UPP2: variants seen among roughly 807,000 people sequenced by gnomAD.
UPP2 encodes the protein uridine phosphorylase 2, also known as UPase 2.
A neutral mutation model predicts 26.7 loss-of-function variants in UPP2; 23 were observed. That is an observed-to-expected ratio of 0.86 (90% CI 0.62 to 1.22). The LOEUF (loss-of-function observed/expected upper bound fraction) is 1.22, where lower values mean the gene tolerates loss of function less well. Among genes scored for constraint, UPP2 ranks in the 50% most tolerant of loss-of-function variants. The pLI is 0.00. For synonymous variants in UPP2, 127 were observed against 141.3 expected (o/e 0.90, Z 0.72); for missense variants, 387 against 396.7 (o/e 0.98, Z 0.21).
chr2:158,043,768 C>T (rs1684113028), intron 3 of UPP2, among the ~76,000 whole-genome samples: 1 of 152,294 alleles, frequency 6.6e-6, no homozygotes, highest in South Asian at 2.1e-4. Context: ...GATCAAGACA[C>T]TTGAAATTGG....
At chr2:158,011,347 G>A (rs1047185996) in intron 2 of UPP2, among the ~76,000 whole-genome samples, 8 of 152,294 alleles carry the variant, frequency 5.3e-5, no homozygotes, top group African/African-American at 1.9e-4. Flanking sequence ...TCCCTCCTGC[G>A]TCTCTGAGTG....
intron 3 of UPP2, among the ~76,000 whole-genome samples, chr2:158,069,761 G>C (rs1367251238): frequency 6.6e-6 from 1 of 152,150 alleles, no homozygotes; most frequent in Non-Finnish European, 1.5e-5. Context: ...GTCTTGACTT[G>C]TTCAGGCTGT....
Position 158,102,204 on chromosome 2 carries a change from G to T in UPP2, c.62+79G>T, listed in dbSNP as rs1683090863. 2.3e-5 allele frequency: 34 copies of T among 1,487,706 alleles called. No individual in the cohort carries two copies. The South Asian group carries it at 4.1e-4, about 18-fold the overall frequency. 92.2% of individuals were successfully genotyped at this position (1,487,706 alleles called of 1,614,324 possible). ...TTTTGTATTAAATGATTAGATAATG[G>T]GCCTCTACAGTTAAGCAAATTTCTT... On this transcript the variant is annotated intron_variant, in intron 1 of 6. Transcript: ENST00000005756.
chr2:158,131,727 GCCTA>G (rs1683823598), intron 6 of UPP2, among the ~76,000 whole-genome samples: 1 of 152,124 alleles, frequency 6.6e-6, no homozygotes, highest in African/African-American at 2.4e-5. Context: ...CACCCTCCCT[GCCTA>G]ATCTGAGGAT....
At chr2:158,024,137 T>A (rs192694202) in intron 3 of UPP2, among the ~76,000 whole-genome samples, 256 of 152,282 alleles carry the variant, frequency 1.7e-3, no homozygotes, top group Non-Finnish European at 2.4e-3. Context: ...ACCTGCATTT[T>A]AAAGATCTTA....
intron 3 of UPP2, among the ~76,000 whole-genome samples, chr2:158,074,829 A>AT (rs553783906): frequency 7.9e-4 from 112 of 142,310 alleles, no homozygotes; most frequent in East Asian, 1.2e-3. Context: ...GACTGAGAGA[A>AT]TTTTTTTTTT....
chr2:158,102,187 T>A, intron 1 of UPP2, 62 bp downstream of exon 1: 1 of 1,579,262 alleles, frequency 6.3e-7, no homozygotes, highest in Non-Finnish European at 8.6e-7. Flanking sequence ...GATTTTGTAT[T>A]AAATGATTAG....
In UPP2 at chr2:158,003,535, C is replaced by T. The variant is rs753640575; in HGVS notation, c.61+8276C>T. ...CCAGCCTGGCCAAAATGGTGAAACC[C>T]CATCTTTACTAAAAATACAAAAATT... On this transcript the variant is annotated intron_variant, in intron 2 of 9. Transcript: ENST00000605860. Among the ~76,000 whole-genome samples, 90 of 151,926 alleles carry T rather than the reference C, an allele frequency of 5.9e-4. No individual in the cohort carries two copies. In the Middle Eastern group the frequency reaches 0.014, roughly 23 times the overall value.
intron 3 of UPP2, among the ~76,000 whole-genome samples, chr2:158,034,908 T>A (rs67501806): frequency 0.14 from 21,545 of 152,070 alleles, 1,611 homozygotes; most frequent in Middle Eastern, 0.21. Flanking sequence ...TTGGCCCTCC[T>A]CCAAATAAAG....
chr2:158,027,012 C>T (rs1558907595), intron 3 of UPP2, among the ~76,000 whole-genome samples: 1 of 152,122 alleles, frequency 6.6e-6, no homozygotes, highest in Non-Finnish European at 1.5e-5. Context: ...CACCGGGTCC[C>T]TCTCACAACA....
Position 158,023,942 on chromosome 2 carries a change from A to G in UPP2, c.147+8056A>G, listed in dbSNP as rs537896963. On this transcript the variant is annotated intron_variant, in intron 3 of 9. Transcript: ENST00000605860. ...TGGATCCCCTCCCTCCCAGGGCCCA[A>G]GGGAGATTGCCTGCGTCAAAAGCAT... Among the ~76,000 whole-genome samples the G allele has an allele frequency of 4.6e-3, 694 of 152,272 alleles. 3 individuals carry two copies. Among genetic ancestry groups the G allele is most frequent in the Non-Finnish European group, 5.5e-3 (375 of 68,010 alleles).
intron 3 of UPP2, among the ~76,000 whole-genome samples, chr2:158,030,843 A>G (rs1192101134): frequency 6.6e-6 from 1 of 152,218 alleles, no homozygotes; most frequent in African/African-American, 2.4e-5. Context: ...AGGCACATCT[A>G]TTAAAAGTGA....
rs774501609 is a variant in UPP2, at chr2:158,115,127, C to G, written c.207C>G (p.Asn69Lys). The G allele has an allele frequency of 3.7e-6, 6 of 1,610,204 alleles. No individual in the cohort carries two copies. In the East Asian group the frequency reaches 1.3e-4, roughly 36 times the overall value. Reference protein sequence around the residue: ...VKFVCVGGSPNRMKAFALFMH... With the variant: ...VKFVCVGGSPKRMKAFALFMH... The stretch of plus-strand genomic sequence containing the variant: ...TTGTCTGTGTCGGTGGGAGCCCCAA[C>G]AGAATGAAAGCATTTGCACTGTTTA... The change falls in exon 3 of 7, where the codon AAC becomes AAG. Residue 69 changes from asparagine to lysine, a missense_variant. Asn to Lys is a moderately conservative substitution (Grantham distance 94). Transcript: ENST00000005756.
chr2:158,000,351 G>T (rs780422358), intron 2 of UPP2, among the ~76,000 whole-genome samples: 10 of 152,004 alleles, frequency 6.6e-5, no homozygotes, highest in Admixed American at 1.3e-4. Flanking sequence ...AGGGTTTTTT[G>T]GAAATATAAA....
intron 2 of UPP2, 141 bp from the exon 3 acceptor site, chr2:158,114,960 T>C: frequency 1.3e-6 from 1 of 743,774 alleles, no homozygotes; most frequent in Non-Finnish European, 1.9e-6. Flanking sequence ...AATTAGCTAA[T>C]TCATGGAACA....
At chr2:158,111,655 T>C (rs1053386009) in intron 2 of UPP2, among the ~76,000 whole-genome samples, 2 of 152,182 alleles carry the variant, frequency 1.3e-5, no homozygotes, top group African/African-American at 2.4e-5. Flanking sequence ...TCTTTATTCC[T>C]CTTTCCAGCT....
At chr2:158,095,626 T>C (rs948568313) in intron 3 of UPP2, among the ~76,000 whole-genome samples, 2 of 152,198 alleles carry the variant, frequency 1.3e-5, no homozygotes, top group African/African-American at 4.8e-5. Flanking sequence ...ATTTAACCTC[T>C]CTAGGCTTCC....
chr2:158,118,273 T>C (rs1179975163), intron 4 of UPP2, among the ~76,000 whole-genome samples: 1 of 150,890 alleles, frequency 6.6e-6, no homozygotes, highest in Non-Finnish European at 1.5e-5. Flanking sequence ...GTGACAGAAA[T>C]AAGTGTGTTC....
chr2:158,067,978 TTAA>T (rs1312673338), intron 3 of UPP2, among the ~76,000 whole-genome samples: 2 of 152,200 alleles, frequency 1.3e-5, no homozygotes, highest in Admixed American at 6.5e-5. Flanking sequence ...GTATTCTGCA[TTAA>T]TAAGGCATTG....
Sources: allele counts gnomAD v4.1 joint callset (sites outside exome capture counted in the v4.1 genomes callset), GRCh38; gene constraint gnomAD v4.1.1; transcripts MANE v1.5; gene names NCBI Gene and HGNC (gene_info 2026-07-23, HGNC 2026-07-21).